ZNF503: variants seen among roughly 807,000 people sequenced by gnomAD.
ZNF503 encodes zinc finger protein 503, also known as NocA-like zinc finger 2.
In ZNF503, 15 loss-of-function variants were observed where a neutral mutation model predicts 34.4. That is an observed-to-expected ratio of 0.44 (90% confidence interval 0.29 to 0.67). The LOEUF is 0.67. ZNF503 is among the 30% of genes least tolerant of loss of function. ZNF503 has a pLI of 0.13. For missense variants in ZNF503, 1,007 were observed against 926.8 expected (o/e 1.09, Z -1.12); for synonymous variants, 580 against 456.8 (o/e 1.27, Z -3.44).
At chr10:75,287,506 G>C in the ZNF503 span, among the ~76,000 whole-genome samples, 1 of 152,034 alleles carries the variant, frequency 6.6e-6, no homozygotes, top group South Asian at 2.1e-4. Context: ...TCTCTCCTGG[G>C]CTGTCTTTCC....
chr10:75,345,611 G>C, the ZNF503 span, among the ~76,000 whole-genome samples: 2 of 147,490 alleles, frequency 1.4e-5, no homozygotes, highest in Non-Finnish European at 1.5e-5. Flanking sequence ...CTCCAGCCTG[G>C]GTGACAGAGC....
the ZNF503 span, among the ~76,000 whole-genome samples, chr10:75,336,762 C>A: frequency 6.6e-6 from 1 of 152,188 alleles, no homozygotes; most frequent in South Asian, 2.1e-4. Flanking sequence ...TTGGCAGATT[C>A]AGTTCCTGGT....
downstream of ZNF503, among the ~76,000 whole-genome samples, chr10:75,397,085 G>T (rs1488890952): frequency 6.6e-6 from 1 of 152,166 alleles, no homozygotes; most frequent in Non-Finnish European, 1.5e-5. Context: ...TCCGGGTCCT[G>T]GCCGGGCGGG....
At chr10:75,386,274 G>T in the ZNF503 span, among the ~76,000 whole-genome samples, 1 of 152,166 alleles carries the variant, frequency 6.6e-6, no homozygotes, top group Non-Finnish European at 1.5e-5. Flanking sequence ...ACAAGAATGA[G>T]CACAATATCC....
At chr10:75,307,411 T>G in the ZNF503 span, among the ~76,000 whole-genome samples, 1 of 152,232 alleles carries the variant, frequency 6.6e-6, no homozygotes, top group Non-Finnish European at 1.5e-5. Context: ...GTAAGGAAGC[T>G]GCAGAAGAAA....
the ZNF503 span, among the ~76,000 whole-genome samples, chr10:75,280,941 C>G: frequency 6.6e-6 from 1 of 151,970 alleles, no homozygotes; most frequent in African/African-American, 2.4e-5. Context: ...ATGTGGTGGG[C>G]GAGAGCGGCT....
At chr10:75,384,709 C>T in the ZNF503 span, among the ~76,000 whole-genome samples, 3 of 152,198 alleles carry the variant, frequency 2.0e-5, no homozygotes, top group Non-Finnish European at 2.9e-5. Context: ...AAGCCCCCAC[C>T]TGGTTGGGGT....
the ZNF503 span, among the ~76,000 whole-genome samples, chr10:75,363,506 T>C: frequency 6.6e-6 from 1 of 152,218 alleles, no homozygotes; most frequent in Admixed American, 6.5e-5. Flanking sequence ...ATTTGGCATA[T>C]GTGTGTGTGC....
At chr10:75,385,658 C>A in the ZNF503 span, among the ~76,000 whole-genome samples, 119 of 152,284 alleles carry the variant, frequency 7.8e-4, 1 homozygote, top group African/African-American at 2.7e-3. Flanking sequence ...TCACTGGTTA[C>A]AATTTAGCCT....
Position 75,399,758 on chromosome 10 carries a change from C to G in ZNF503, c.932G>C (p.Cys311Ser), listed in dbSNP as rs1375428696. ...GGAGCTGGAGCCCGATGAACCGCCG[C>G]AGTCCGAGCCCAGAGCCTTGCCTCC... ...GPGGKALGSD[C>S]GGSSGSSSGS... The change falls in exon 2 of 2, where the codon TGC (cysteine) becomes TCC (serine). Residue 311 changes from cysteine (C) to serine (S), a missense_variant. Transcript: ENST00000372524. 6.3e-7 allele frequency: 1 copy of G among 1,593,036 alleles called. No homozygotes were observed. Among genetic ancestry groups the G allele is most frequent in the Non-Finnish European group, 8.5e-7 (1 of 1,173,920 alleles).
At chr10:75,366,293 C>A in the ZNF503 span, among the ~76,000 whole-genome samples, 1 of 152,208 alleles carries the variant, frequency 6.6e-6, no homozygotes, top group Admixed American at 6.5e-5. Context: ...GGAAAGGGTG[C>A]CAAGATCAAA....
chr10:75,295,917 C>T, the ZNF503 span, among the ~76,000 whole-genome samples: 4 of 152,014 alleles, frequency 2.6e-5, no homozygotes. The surrounding 1 kb of genome is among the most constrained non-coding windows in gnomAD (Gnocchi z 4.0). Flanking sequence ...GAAAAAGAAC[C>T]CCCCTCCAAA....
At chr10:75,346,869 T>C in the ZNF503 span, among the ~76,000 whole-genome samples, 1 of 151,940 alleles carries the variant, frequency 6.6e-6, no homozygotes, top group African/African-American at 2.4e-5. Flanking sequence ...TTCAAACTCC[T>C]GGACTCAAGC....
chr10:75,358,278 G>T, the ZNF503 span: 4 of 152,198 alleles, frequency 2.6e-5, no homozygotes, highest in African/African-American at 9.7e-5. Context: ...ACCCTGAGCT[G>T]CCTGGACCTT....
the ZNF503 span, among the ~76,000 whole-genome samples, chr10:75,316,409 T>C: frequency 1.3e-5 from 2 of 151,706 alleles, no homozygotes; most frequent in Non-Finnish European, 2.9e-5. Flanking sequence ...CAGGCTGGAG[T>C]GCAGTGGCAC....
chr10:75,398,165 A>G lies in ZNF503; in HGVS notation c.*584T>C, dbSNP rs190212030. On this transcript the variant is annotated 3_prime_UTR_variant, in exon 2 of 2. Transcript: ENST00000372524. ...TTTTTTTTTCATTTTTTTTGTAACAAACATGCATGTAAATTTGTGTTTCAA... is the reference window on the plus strand; with the variant it reads ...TTTTTTTTTCATTTTTTTTGTAACAGACATGCATGTAAATTTGTGTTTCAA... The G allele has an allele frequency of 2.6e-5, 4 of 152,708 alleles. 1 individual carries two copies. The highest frequency in any genetic ancestry group is 6.8e-3 in the Middle Eastern group (2 of 294). The allele number at this position is 152,708 out of a possible 1,614,324, so 9.5% of individuals were successfully genotyped here.
At chr10:75,338,110 T>C in the ZNF503 span, among the ~76,000 whole-genome samples, 2 of 152,240 alleles carry the variant, frequency 1.3e-5, no homozygotes, top group East Asian at 1.9e-4. Flanking sequence ...TTCTTAAGAA[T>C]AGAAACAGTG....
At chr10:75,321,762 C>T in the ZNF503 span, among the ~76,000 whole-genome samples, 10 of 152,230 alleles carry the variant, frequency 6.6e-5, no homozygotes, top group African/African-American at 2.2e-4. Flanking sequence ...CTTCTAACAA[C>T]CTAAGCTCAT....
chr10:75,300,830 C>T, the ZNF503 span, among the ~76,000 whole-genome samples: 45 of 150,720 alleles, frequency 3.0e-4, no homozygotes, highest in African/African-American at 9.0e-4. Context: ...CTCAGCCTCC[C>T]GAGTAGCTGG....
Sources: gnomAD v4.1 joint callset for allele counts (sites outside exome capture counted in the v4.1 genomes callset) on GRCh38, gnomAD v4.1.1 for gene constraint, Gnocchi (gnomAD v3.1) non-coding constraint, MANE v1.5 for transcripts, NCBI Gene and HGNC (gene_info 2026-07-23, HGNC 2026-07-21) for gene names.